Variants in ABCA3 observed in about 807,000 individuals in gnomAD.
ABCA3 encodes the protein phospholipid-transporting ATPase ABCA3.
A neutral mutation model predicts 172.8 loss-of-function variants in ABCA3; 88 were observed. That is an observed-to-expected ratio of 0.51 (90% CI 0.43 to 0.61). The LOEUF (loss-of-function observed/expected upper bound fraction) is 0.61, where lower values mean the gene tolerates loss of function less well. ABCA3 is among the 20% of genes least tolerant of loss of function. The probability of loss-of-function intolerance (pLI) is 0.00; values close to 1 mark genes in which losing one functional copy is unlikely to be tolerated. For missense variants in ABCA3, 2,164 were observed against 2,301.0 expected (o/e 0.94, Z 1.22); for synonymous variants, 1,066 against 983.8 (o/e 1.08, Z -1.56).
intron 11 of ABCA3, 88 bp from the exon 12 acceptor site, chr16:2,304,238 T>C: frequency 7.0e-7 from 1 of 1,437,652 alleles, no homozygotes. Flanking sequence ...CGTGTGCACA[T>C]TTGACCTTGC....
At position 2,289,541 on chromosome 16, in the gene ABCA3, C is replaced by A. The variant is rs139882171; in HGVS notation, c.2593G>T (p.Ala865Ser). 8 of 1,571,628 alleles carry A rather than the reference C, an allele frequency of 5.1e-6. No individual in the cohort carries two copies. Among genetic ancestry groups the A allele is most frequent in the Non-Finnish European group, 6.9e-6 (8 of 1,159,230 alleles). ...TTGCTGTCCACAGCCCAGTCGCTGG[C>A]GCGCCTCTCGTGCTGGTACTGCAGG... ...PALQYQHERR[A>S]SDWAVDSNLC... is the part of the protein sequence containing the mutation. The change falls in exon 20 of 33, where the codon GCC (alanine) becomes TCC (serine). Residue 865 changes from alanine (A) to serine (S), a missense_variant. Transcript: ENST00000301732.
chr16:2,308,787 C>T (rs539119689), intron 10 of ABCA3, among the ~76,000 whole-genome samples, 164 bp from the exon 11 acceptor site: 24 of 152,274 alleles, frequency 1.6e-4, no homozygotes, highest in African/African-American at 5.8e-4. Flanking sequence ...GGGGGGACAC[C>T]AGGTGTGGCC....
intron 1 of ABCA3, among the ~76,000 whole-genome samples, chr16:2,331,583 G>A (rs1019154442): frequency 6.6e-5 from 10 of 152,208 alleles, no homozygotes; most frequent in South Asian, 2.1e-4. Flanking sequence ...TGAACACTAC[G>A]CTTGCATCTG....
chr16:2,315,203 TACACACACACACAC>T (rs377647001), intron 10 of ABCA3, among the ~76,000 whole-genome samples: 10 of 138,500 alleles, frequency 7.2e-5, no homozygotes, highest in African/African-American at 1.1e-4. Context: ...GTATGTATTT[TACACACACACACAC>T]ACACACACAC....
In ABCA3 at chr16:2,289,493, A is replaced by AGG; in HGVS notation, c.2639_2640dup (p.Ser881ProfsTer34). The AGG allele has an allele frequency of 6.3e-7, 1 of 1,591,720 alleles. No individual in the cohort carries two copies. ...TCGATGAGGGCTCCAATGCCGTCGGAGGGGTCCATGGCCCCACAGAGGTTG... is the reference window on the plus strand; with the variant it reads ...TCGATGAGGGCTCCAATGCCGTCGGAGGGGGGTCCATGGCCCCACAGAGGTTG... On this transcript the variant is annotated frameshift_variant, in exon 20 of 33. Coordinates refer to ENST00000301732, the MANE Select transcript of ABCA3 (RefSeq NM_001089.3). LOFTEE classifies it high-confidence loss of function.
intron 17 of ABCA3, among the ~76,000 whole-genome samples, chr16:2,296,235 C>CTT (rs547930176): frequency 1.4e-5 from 2 of 144,218 alleles, no homozygotes; most frequent in Non-Finnish European, 1.5e-5. Context: ...ATTCCATGTC[C>CTT]TTTTTTTTTT....
chr16:2,288,386 C>G (rs2093666531), intron 20 of ABCA3, 57 bp from the exon 21 acceptor site: 18 of 1,517,628 alleles, frequency 1.2e-5, no homozygotes, highest in Non-Finnish European at 1.5e-5. Context: ...GCGCCTGACC[C>G]CCACCCACCT....
At chr16:2,320,036 A>G (rs1440733312) in intron 7 of ABCA3, among the ~76,000 whole-genome samples, 196 bp from the exon 8 acceptor site, 1 of 152,120 alleles carries the variant, frequency 6.6e-6, no homozygotes, top group African/African-American at 2.4e-5. Context: ...AAATGAGAAG[A>G]GAGATGTGAT....
intron 19 of ABCA3, 50 bp downstream of exon 19, chr16:2,292,090 C>T (rs754914505): frequency 6.8e-7 from 1 of 1,470,234 alleles, no homozygotes; most frequent in Non-Finnish European, 9.5e-7. Context: ...AAAAAGTCCT[C>T]TGCAGCACGG....
intron 1 of ABCA3, among the ~76,000 whole-genome samples, chr16:2,336,580 G>A (rs896579227): frequency 1.3e-5 from 2 of 148,722 alleles, no homozygotes; most frequent in Non-Finnish European, 3.0e-5. Flanking sequence ...ACAGGTGCCC[G>A]CCACCACGCC....
At chr16:2,314,109 A>C (rs2093711062) in intron 10 of ABCA3, among the ~76,000 whole-genome samples, 1 of 152,180 alleles carries the variant, frequency 6.6e-6, no homozygotes, top group Non-Finnish European at 1.5e-5. Context: ...TAAACATGGA[A>C]TTGCCATAGG....
chr16:2,317,246 C>T (rs778369625), intron 10 of ABCA3, 37 bp downstream of exon 10: 1 of 1,612,854 alleles, frequency 6.2e-7, no homozygotes, highest in African/African-American at 1.3e-5. Context: ...CCCTTGGCCC[C>T]TTGGCAACCC....
intron 6 of ABCA3, among the ~76,000 whole-genome samples, chr16:2,323,961 G>C (rs2093730201): frequency 6.6e-6 from 1 of 152,150 alleles, no homozygotes. Context: ...GATCCCTGGA[G>C]GGCCGCCAAC....
Position 2,278,960 on chromosome 16 carries a change from C to T in ABCA3, c.4530G>A (p.Lys1510=), listed in dbSNP as rs770085952. The T allele has an allele frequency of 3.7e-6, 6 of 1,613,632 alleles. No homozygotes were observed. Among genetic ancestry groups the T allele is most frequent in the Non-Finnish European group, 5.1e-6 (6 of 1,180,048 alleles). Residue 1510 remains lysine, a synonymous_variant, in exon 29 of 33, where the codon AAG becomes AAA. Coordinates refer to ENST00000301732, the MANE Select transcript of ABCA3 (RefSeq NM_001089.3). The surrounding 1 kb of genome is among the most constrained non-coding windows in gnomAD (Gnocchi z 4.4). ...AGGTGCACCTGTACGTCCTGACCAG[C>T]TTGTTGGCATGTGGCTCCAGCAGCA... The part of the protein sequence containing the change: ...RGLLLEPHAN[K]LVRTYSGGNK...
At chr16:2,335,553 C>T (rs902490545) in intron 1 of ABCA3, among the ~76,000 whole-genome samples, 10 of 152,044 alleles carry the variant, frequency 6.6e-5, no homozygotes, top group Middle Eastern at 3.2e-3. Flanking sequence ...CACTGGCATG[C>T]GATACCACAC....
At chr16:2,315,391 G>A (rs2093713630) in intron 10 of ABCA3, among the ~76,000 whole-genome samples, 1 of 152,100 alleles carries the variant, frequency 6.6e-6, no homozygotes, top group Non-Finnish European at 1.5e-5. Flanking sequence ...TGGCAATAAG[G>A]TAACATTATA....
intron 10 of ABCA3, among the ~76,000 whole-genome samples, chr16:2,315,026 C>T (rs1477376432): frequency 8.6e-5 from 13 of 150,816 alleles, no homozygotes; most frequent in African/African-American, 2.9e-4. Context: ...TACAGGTACC[C>T]GCCACCACAC....
In ABCA3 at chr16:2,284,240, CGCAG is replaced by C; in HGVS notation, c.3862+35_3862+38del. 1 of 1,599,896 alleles carries C rather than the reference CGCAG, an allele frequency of 6.3e-7. No individual in the cohort carries two copies. Among genetic ancestry groups the C allele is most frequent in the East Asian group, 2.2e-5 (1 of 44,638 alleles). On this transcript the variant is annotated intron_variant, in intron 25 of 32. Coordinates refer to ENST00000301732, the MANE Select transcript of ABCA3 (RefSeq NM_001089.3). This position sits in a 1 kb window ranked among gnomAD's most constrained non-coding sequence, Gnocchi z 5.9. ...CTCTGCAGTGACCACGTCCTGAGGACGCAGGGGTGCTGCCCGGGGTCGGGGCTGG... is the reference window on the plus strand; with the variant it reads ...CTCTGCAGTGACCACGTCCTGAGGACGGGTGCTGCCCGGGGTCGGGGCTGG...
intron 6 of ABCA3, among the ~76,000 whole-genome samples, chr16:2,324,150 G>A (rs2141738082): frequency 6.6e-6 from 1 of 152,342 alleles, no homozygotes; most frequent in African/African-American, 2.4e-5. Flanking sequence ...TGAGGGAACA[G>A]AAAGGAGCTT....
Sources: allele counts gnomAD v4.1 joint callset (sites outside exome capture counted in the v4.1 genomes callset), GRCh38; gene constraint gnomAD v4.1.1; non-coding constraint Gnocchi (gnomAD v3.1); transcripts MANE v1.5; gene names NCBI Gene and HGNC (gene_info 2026-07-23, HGNC 2026-07-21).